Variants in PLXDC2 observed in about 807,000 individuals in gnomAD.
PLXDC2 encodes the protein plexin domain-containing protein 2.
In PLXDC2, 40 loss-of-function variants were observed where a neutral mutation model predicts 68.9. The ratio of observed to expected loss-of-function variants is 0.58; its 90% CI spans 0.45 to 0.76. PLXDC2 has a LOEUF of 0.76. PLXDC2 is among the 30% of genes least tolerant of loss of function. The pLI, the probability that PLXDC2 is intolerant of heterozygous loss-of-function variation, is 0.00. For missense variants in PLXDC2, 644 were observed against 661.9 expected, an observed-to-expected ratio of 0.97 and a Z score of 0.30; for synonymous variants, 243 against 234.2, an observed-to-expected ratio of 1.04 and a Z score of -0.34.
intron 1 of PLXDC2, among the ~76,000 whole-genome samples, chr10:19,996,387 G>C (rs534736781): frequency 6.6e-6 from 1 of 152,278 alleles, no homozygotes; most frequent in South Asian, 2.1e-4. Flanking sequence ...TTTGAGGCCA[G>C]CCTGGGCTAC....
intron 3 of PLXDC2, among the ~76,000 whole-genome samples, chr10:20,062,292 C>T (rs10764191): frequency 0.15 from 22,264 of 152,034 alleles, 1,904 homozygotes; most frequent in South Asian, 0.31. Flanking sequence ...GGTATGGTGG[C>T]GCATGCGTGT....
chr10:20,265,884 T>C (rs1285445235), intron 13 of PLXDC2, among the ~76,000 whole-genome samples: 1 of 152,148 alleles, frequency 6.6e-6, no homozygotes, highest in Non-Finnish European at 1.5e-5. Flanking sequence ...CAATTACGTG[T>C]GCCTTTGCCA....
chr10:19,933,669 C>T (rs574846088), intron 1 of PLXDC2, among the ~76,000 whole-genome samples: 2 of 151,918 alleles, frequency 1.3e-5, no homozygotes, highest in South Asian at 2.1e-4. Context: ...AAAACACACA[C>T]AAACACACAC....
chr10:20,089,192 G>A (rs1479683614), intron 4 of PLXDC2, among the ~76,000 whole-genome samples: 1 of 151,608 alleles, frequency 6.6e-6, no homozygotes, highest in Admixed American at 6.6e-5. Context: ...GTGTGTGTGT[G>A]TGTGTGTGTG....
Position 20,126,332 on chromosome 10 carries a change from C to T in PLXDC2, c.542-16963C>T, listed in dbSNP as rs796310999. 1.3e-4 allele frequency among the ~76,000 whole-genome samples: 10 copies of T among 79,814 alleles called. 1 individual carries two copies. The highest frequency in any genetic ancestry group is 1.8e-4 in the Non-Finnish European group (6 of 32,484). The allele number at this position is 79,814 out of a possible 152,430, so 52.4% of individuals were successfully genotyped here. On this transcript the variant is annotated intron_variant, in intron 4 of 13. Transcript: ENST00000377252. Reference sequence around the variant, plus strand: ...ATACGTTATATAATATATACATATACGTTATATAATACATATATACATATG... The same window carrying T: ...ATACGTTATATAATATATACATATATGTTATATAATACATATATACATATG...
chr10:20,094,584 G>A (rs972531480), intron 4 of PLXDC2, among the ~76,000 whole-genome samples: 6 of 151,984 alleles, frequency 3.9e-5, no homozygotes, highest in Non-Finnish European at 8.8e-5. Flanking sequence ...TCAAAGTCTG[G>A]TAGCATGCAT....
chr10:19,937,520 A>T (rs1437782136), intron 1 of PLXDC2, among the ~76,000 whole-genome samples: 2 of 140,958 alleles, frequency 1.4e-5, no homozygotes, highest in Non-Finnish European at 3.0e-5. Flanking sequence ...ATGTTACTGG[A>T]ATACATATCA....
intron 6 of PLXDC2, among the ~76,000 whole-genome samples, chr10:20,156,276 A>G (rs991803853): frequency 2.0e-5 from 3 of 152,136 alleles, no homozygotes; most frequent in Non-Finnish European, 2.9e-5. Context: ...TCGTGTTCCA[A>G]TTCAATGTGA....
intron 6 of PLXDC2, among the ~76,000 whole-genome samples, chr10:20,150,974 G>A (rs1834144731): frequency 6.6e-6 from 1 of 152,110 alleles, no homozygotes; most frequent in East Asian, 1.9e-4. Context: ...CCAGGCTCTT[G>A]TCCTGAAGAA....
Position 20,064,689 on chromosome 10 carries a change from A to G in PLXDC2, c.472-3481A>G, listed in dbSNP as rs1373835676. ...TCTTCTTCCTGCATTCATAATCTCA[A>G]TTGGTGACCTGTGGTTCACCAGTCA... On this transcript the variant is annotated intron_variant, in intron 3 of 13. Transcript: ENST00000377252. Among the ~76,000 whole-genome samples the G allele has an allele frequency of 3.3e-5, 5 of 152,110 alleles. No individual in the cohort carries two copies. The East Asian group carries it at 5.8e-4, about 18-fold the overall frequency.
In PLXDC2 at chr10:20,025,303, G is replaced by A. The variant is rs181604347; in HGVS notation, c.325-21566G>A. Among the ~76,000 whole-genome samples the A allele has an allele frequency of 3.7e-3, 523 of 142,896 alleles. 1 individual carries two copies. The highest frequency in any genetic ancestry group is 6.0e-3 in the Non-Finnish European group (396 of 65,574). 93.7% of individuals were successfully genotyped at this position (142,896 alleles called of 152,430 possible). A position where few individuals can be genotyped will look rare whatever the true frequency, so the allele number is the denominator to read the frequency against. ...TTTTTGACAGAGTTTTGCTATTTTTGCCCAGGCTAGAGTGCAGTGGTGCAA... is the reference window on the plus strand; with the variant it reads ...TTTTTGACAGAGTTTTGCTATTTTTACCCAGGCTAGAGTGCAGTGGTGCAA... On this transcript the variant is annotated intron_variant, in intron 2 of 13. Coordinates refer to ENST00000377252, the MANE Select transcript of PLXDC2 (RefSeq NM_032812.9).
At chr10:19,959,294 T>C (rs1330967641) in intron 1 of PLXDC2, among the ~76,000 whole-genome samples, 2 of 152,164 alleles carry the variant, frequency 1.3e-5, no homozygotes, top group Admixed American at 6.5e-5. Context: ...TTGGTGTTTC[T>C]GAGAAACACA....
chr10:20,121,348 G>A (rs181726025), intron 4 of PLXDC2, among the ~76,000 whole-genome samples: 15 of 152,130 alleles, frequency 9.9e-5, no homozygotes, highest in African/African-American at 2.2e-4. Context: ...AATTCTGACC[G>A]CACTAACCAT....
At chr10:19,837,186 C>T (rs1458281754) in intron 1 of PLXDC2, among the ~76,000 whole-genome samples, 2 of 150,796 alleles carry the variant, frequency 1.3e-5, no homozygotes, top group African/African-American at 4.9e-5. Context: ...ACATGTTACC[C>T]AGCAAGACAT....
chr10:20,048,670 C>T (rs1026666662), intron 3 of PLXDC2, among the ~76,000 whole-genome samples: 2 of 152,048 alleles, frequency 1.3e-5, no homozygotes, highest in African/African-American at 4.8e-5. Context: ...CATCTATAGG[C>T]AGAGAAAGGA....
chr10:19,980,867 T>C (rs1317670320), intron 1 of PLXDC2, among the ~76,000 whole-genome samples: 1 of 152,204 alleles, frequency 6.6e-6, no homozygotes, highest in East Asian at 1.9e-4. Flanking sequence ...CTTAGGGAGA[T>C]GCAAACATTC....
chr10:20,216,533 G>A (rs369869874), intron 10 of PLXDC2, among the ~76,000 whole-genome samples: 1 of 152,104 alleles, frequency 6.6e-6, no homozygotes, highest in African/African-American at 2.4e-5. Flanking sequence ...AAGGGGAAAG[G>A]CACCTAGCGC....
At chr10:20,094,059 G>A (rs375966487) in intron 4 of PLXDC2, among the ~76,000 whole-genome samples, 10 of 152,210 alleles carry the variant, frequency 6.6e-5, no homozygotes, top group African/African-American at 2.4e-4. Context: ...AGTACAAATG[G>A]CTTTAACAAA....
intron 1 of PLXDC2, among the ~76,000 whole-genome samples, chr10:19,833,823 GA>G (rs1836739973): frequency 1.3e-5 from 2 of 152,014 alleles, no homozygotes; most frequent in African/African-American, 4.8e-5. Context: ...CTATGTGTAA[GA>G]AAAAGACACC....
Sources: allele counts gnomAD v4.1 joint callset (sites outside exome capture counted in the v4.1 genomes callset), GRCh38; gene constraint gnomAD v4.1.1; transcripts MANE v1.5; gene names NCBI Gene and HGNC (gene_info 2026-07-23, HGNC 2026-07-21).